ITSN1: variants seen among roughly 807,000 people sequenced by gnomAD.
ITSN1 encodes intersectin 1, also known as intersectin-1.
In ITSN1, 58 loss-of-function variants were observed where a neutral mutation model predicts 239.8. That is an observed-to-expected ratio of 0.24 (90% CI 0.20 to 0.30). ITSN1 has a LOEUF of 0.30. ITSN1 is among the 10% of genes least tolerant of loss of function. ITSN1 has a pLI of 1.00. For synonymous variants in ITSN1, 780 were observed against 770.8 expected (o/e 1.01, Z -0.20); for missense variants, 1,558 against 2,103.3 (o/e 0.74, Z 5.07).
chr21:33,685,982 G>A (rs186868329), intron 1 of ITSN1, among the ~76,000 whole-genome samples: 1 of 152,160 alleles, frequency 6.6e-6, no homozygotes, highest in African/African-American at 2.4e-5. Flanking sequence ...ACTTGTTTGT[G>A]CATTCTTAAG....
chr21:33,814,286 G>A, intron 22 of ITSN1: 1 of 532,400 alleles, frequency 1.9e-6, no homozygotes, highest in Non-Finnish European at 3.3e-6. Context: ...TCTCCTGCCT[G>A]GGTTGATGAA....
intron 4 of ITSN1, among the ~76,000 whole-genome samples, chr21:33,728,388 A>G (rs1281959561): frequency 3.3e-5 from 5 of 151,440 alleles, no homozygotes; most frequent in African/African-American, 4.9e-5. Context: ...GCGCGCCACT[A>G]TGCCCAGCTA....
intron 1 of ITSN1, among the ~76,000 whole-genome samples, chr21:33,651,885 C>G (rs1472779915): frequency 1.3e-5 from 2 of 152,194 alleles, no homozygotes; most frequent in Admixed American, 1.3e-4. Context: ...AAACCACAGT[C>G]ATTATCTGTT....
At chr21:33,655,694 A>G (rs2088999843) in intron 1 of ITSN1, among the ~76,000 whole-genome samples, 1 of 151,330 alleles carries the variant, frequency 6.6e-6, no homozygotes, top group Non-Finnish European at 1.5e-5. Flanking sequence ...TGACCTCCCA[A>G]AGTGCTGGAA....
intron 33 of ITSN1, among the ~76,000 whole-genome samples, chr21:33,868,615 G>A (rs929397924): frequency 6.6e-6 from 1 of 152,200 alleles, no homozygotes; most frequent in African/African-American, 2.4e-5. Context: ...CTCCGAGTGC[G>A]GGGCACGCCA....
At chr21:33,748,804 A>T (rs974555153) in intron 5 of ITSN1, among the ~76,000 whole-genome samples, 4 of 152,112 alleles carry the variant, frequency 2.6e-5, no homozygotes, top group African/African-American at 9.7e-5. Flanking sequence ...GGTGAAGGCT[A>T]CAGTGAGCTA....
intron 1 of ITSN1, among the ~76,000 whole-genome samples, chr21:33,679,698 CTTTTTTTTT>C (rs34301203): frequency 1.2e-5 from 1 of 86,318 alleles, no homozygotes; most frequent in Non-Finnish European, 2.1e-5. Flanking sequence ...GATCCTTATC[CTTTTTTTTT>C]TTTTTTTTTT....
intron 30 of ITSN1, among the ~76,000 whole-genome samples, 175 bp from the exon 31 acceptor site, chr21:33,858,511 G>A (rs889745035): frequency 3.3e-5 from 5 of 152,158 alleles, no homozygotes; most frequent in Non-Finnish European, 7.3e-5. Context: ...CGGTTTCCAG[G>A]GCAGAGGAGG....
chr21:33,817,430 C>G, intron 22 of ITSN1: 1 of 1,304,448 alleles, frequency 7.7e-7, no homozygotes. Flanking sequence ...GCTGCCCCCT[C>G]TGTGAAATTT....
intron 1 of ITSN1, among the ~76,000 whole-genome samples, chr21:33,680,691 ATGTCTG>A (rs10563432): frequency 0.88 from 133,985 of 152,044 alleles, 59,554 homozygotes; most frequent in African/African-American, 0.97. Context: ...AGTCCACCAA[ATGTCTG>A]AAGTCCTGCC....
intron 39 of ITSN1, among the ~76,000 whole-genome samples, chr21:33,887,734 T>C (rs977193653): frequency 6.6e-6 from 1 of 152,110 alleles, no homozygotes; most frequent in Non-Finnish European, 1.5e-5. Flanking sequence ...GCCTCCTAAG[T>C]AGCAGGGATG....
chr21:33,870,387 A>G (rs1199717209), intron 33 of ITSN1, among the ~76,000 whole-genome samples: 1 of 152,158 alleles, frequency 6.6e-6, no homozygotes, highest in Non-Finnish European at 1.5e-5. Context: ...TAAAAGGGGG[A>G]AAAAAACTCA....
chr21:33,799,080 A>G (rs1479314071), intron 18 of ITSN1, among the ~76,000 whole-genome samples: 1 of 152,196 alleles, frequency 6.6e-6, no homozygotes, highest in Middle Eastern at 3.2e-3. Context: ...GTATATGTCA[A>G]AATACTTGTA....
At chr21:33,753,761 TAAAA>T (rs760085854) in intron 7 of ITSN1, among the ~76,000 whole-genome samples, 16 of 81,764 alleles carry the variant, frequency 2.0e-4, no homozygotes, top group African/African-American at 8.5e-4. Flanking sequence ...GTCTCTTTCT[TAAAA>T]AAAAAAAAAA....
chr21:33,687,338 C>T (rs2091293638), intron 1 of ITSN1, among the ~76,000 whole-genome samples: 1 of 136,696 alleles, frequency 7.3e-6, no homozygotes, highest in African/African-American at 2.8e-5. Flanking sequence ...GCAGAGGTTG[C>T]AGTGAGCCAA....
intron 5 of ITSN1, among the ~76,000 whole-genome samples, chr21:33,739,826 T>A (rs771609716): frequency 6.6e-6 from 1 of 152,182 alleles, no homozygotes; most frequent in Non-Finnish European, 1.5e-5. Flanking sequence ...AAACAACAGA[T>A]TAAGCAGAAG....
intron 1 of ITSN1, among the ~76,000 whole-genome samples, chr21:33,690,522 C>T (rs2091460347): frequency 6.6e-6 from 1 of 150,708 alleles, no homozygotes; most frequent in Admixed American, 6.6e-5. Flanking sequence ...ATGGCGTGAA[C>T]CCGGGAGGCA....
intron 12 of ITSN1, 199 bp from the exon 13 acceptor site, chr21:33,774,530 C>T: frequency 1.9e-6 from 1 of 513,114 alleles, no homozygotes; most frequent in South Asian, 3.4e-5. Context: ...AAATATAATA[C>T]CCAGTTCTGT....
At chr21:33,746,428 T>A (rs914262701) in intron 5 of ITSN1, among the ~76,000 whole-genome samples, 1 of 152,066 alleles carries the variant, frequency 6.6e-6, no homozygotes, top group Non-Finnish European at 1.5e-5. Context: ...TTCAAAGAAC[T>A]GAAGAACTAA....
Sources: gnomAD v4.1 joint callset for allele counts (sites outside exome capture counted in the v4.1 genomes callset) on GRCh38, gnomAD v4.1.1 for gene constraint, MANE v1.5 for transcripts, NCBI Gene and HGNC (gene_info 2026-07-23, HGNC 2026-07-21) for gene names.